The following UNC5D variants were observed in gnomAD, a reference collection of about 807,000 sequenced individuals.
UNC5D encodes unc-5 netrin receptor D, also known as netrin receptor UNC5D.
In UNC5D, 39 loss-of-function variants were observed where a neutral mutation model predicts 105.4. That is an observed-to-expected ratio of 0.37 (90% CI 0.29 to 0.48). The LOEUF is 0.48. UNC5D is among the 20% of genes least tolerant of loss of function. UNC5D has a pLI of 0.98. For missense variants in UNC5D, 991 were observed against 1,202.4 expected (o/e 0.82, Z 2.60); for synonymous variants, 452 against 450.4 (o/e 1.00, Z -0.04).
intron 1 of UNC5D, among the ~76,000 whole-genome samples, chr8:35,260,681 C>T (rs1193373478): frequency 6.6e-6 from 1 of 152,134 alleles, no homozygotes; most frequent in African/African-American, 2.4e-5. Context: ...CCAGGCTGGT[C>T]TCAAACTCCT....
At chr8:35,290,946 C>A (rs927747813) in intron 1 of UNC5D, among the ~76,000 whole-genome samples, 1 of 138,284 alleles carries the variant, frequency 7.2e-6, no homozygotes, top group African/African-American at 2.7e-5. Context: ...GAGACTCCAT[C>A]TCAAAAAAAA....
At chr8:35,629,453 A>AT (rs962572112) in intron 4 of UNC5D, among the ~76,000 whole-genome samples, 3 of 152,158 alleles carry the variant, frequency 2.0e-5, no homozygotes, top group Admixed American at 1.3e-4. Context: ...CAAATACTGC[A>AT]TTTTCTCAAT....
chr8:35,345,973 T>C (rs1017487051), intron 1 of UNC5D, among the ~76,000 whole-genome samples: 1 of 152,078 alleles, frequency 6.6e-6, no homozygotes, highest in African/African-American at 2.4e-5. Context: ...TCTCAGGTCA[T>C]GGCGTGTGTT....
intron 1 of UNC5D, among the ~76,000 whole-genome samples, chr8:35,426,497 A>G (rs1031835575): frequency 6.6e-6 from 1 of 152,182 alleles, no homozygotes; most frequent in Non-Finnish European, 1.5e-5. Flanking sequence ...ACCAAGTCAG[A>G]GGAAACTAGG....
At chr8:35,630,950 T>C (rs1342968983) in intron 4 of UNC5D, among the ~76,000 whole-genome samples, 1 of 152,228 alleles carries the variant, frequency 6.6e-6, no homozygotes, top group African/African-American at 2.4e-5. Flanking sequence ...GTAGTTTCTC[T>C]AGACATTAAG....
intron 1 of UNC5D, among the ~76,000 whole-genome samples, chr8:35,498,272 C>G (rs532650374): frequency 6.6e-6 from 1 of 151,244 alleles, no homozygotes; most frequent in South Asian, 2.1e-4. Flanking sequence ...TGGGTGGGAG[C>G]TGTGTTGCTT....
chr8:35,701,091 T>C (rs1827167214), intron 7 of UNC5D, among the ~76,000 whole-genome samples: 1 of 152,186 alleles, frequency 6.6e-6, no homozygotes, highest in African/African-American at 2.4e-5. Context: ...AAATACGGGA[T>C]ATGACTAGTC....
chr8:35,347,930 C>G (rs575766231), intron 1 of UNC5D, among the ~76,000 whole-genome samples: 1 of 152,072 alleles, frequency 6.6e-6, no homozygotes, highest in African/African-American at 2.4e-5. Context: ...TGAGAATAAC[C>G]TGTGATTGGG....
chr8:35,736,635 C>A (rs1219088388), intron 11 of UNC5D, among the ~76,000 whole-genome samples: 1 of 152,066 alleles, frequency 6.6e-6, no homozygotes, highest in Non-Finnish European at 1.5e-5. Flanking sequence ...TATACGGTGA[C>A]CACAGTGAAA....
At chr8:35,485,323 A>G (rs1810755398) in intron 1 of UNC5D, among the ~76,000 whole-genome samples, 1 of 152,242 alleles carries the variant, frequency 6.6e-6, no homozygotes, top group Non-Finnish European at 1.5e-5. Flanking sequence ...TACTGTCAGT[A>G]TAACATCTCT....
intron 2 of UNC5D, among the ~76,000 whole-genome samples, chr8:35,558,758 G>A (rs148918874): frequency 0.028 from 4,280 of 152,198 alleles, 83 homozygotes; most frequent in Non-Finnish European, 0.039. Context: ...CGAGGTGGGC[G>A]GGTCACTTGA....
At chr8:35,239,453 G>C (rs565485866) in intron 1 of UNC5D, among the ~76,000 whole-genome samples, 1 of 150,124 alleles carries the variant, frequency 6.7e-6, no homozygotes. Flanking sequence ...CAGGGAATTG[G>C]TTTATTGGGA....
At chr8:35,787,007 T>C (rs138556962) in intron 16 of UNC5D, among the ~76,000 whole-genome samples, 3 of 152,304 alleles carry the variant, frequency 2.0e-5, no homozygotes, top group African/African-American at 7.2e-5. Context: ...TAAAGTTTTA[T>C]TGGGACACAG....
chr8:35,569,417 A>C (rs531420064), intron 3 of UNC5D, among the ~76,000 whole-genome samples: 91 of 152,344 alleles, frequency 6.0e-4, no homozygotes, highest in Admixed American at 1.4e-3. Context: ...TTGATGGTTT[A>C]GAGATTAATA....
At chr8:35,324,543 G>A (rs990436469) in intron 1 of UNC5D, among the ~76,000 whole-genome samples, 5 of 151,878 alleles carry the variant, frequency 3.3e-5, no homozygotes, top group African/African-American at 1.2e-4. Context: ...TTGTTTTATT[G>A]AACAACTCTT....
At chr8:35,613,924 T>G (rs1820854522) in intron 4 of UNC5D, among the ~76,000 whole-genome samples, 1 of 152,198 alleles carries the variant, frequency 6.6e-6, no homozygotes, top group Non-Finnish European at 1.5e-5. Context: ...CTTTGACAAA[T>G]ATTTGAAAGT....
chr8:35,527,020 T>A (rs555973893), intron 1 of UNC5D, among the ~76,000 whole-genome samples: 3 of 152,188 alleles, frequency 2.0e-5, no homozygotes, highest in Non-Finnish European at 2.9e-5. Context: ...CTCTATGTAA[T>A]GGAATGTCAC....
chr8:35,775,158 G>A (rs1802189326), intron 16 of UNC5D, among the ~76,000 whole-genome samples: 1 of 152,028 alleles, frequency 6.6e-6, no homozygotes, highest in African/African-American at 2.4e-5. Context: ...CTCTACTATC[G>A]GGTAACCCTA....
intron 1 of UNC5D, among the ~76,000 whole-genome samples, chr8:35,378,154 A>T (rs1464809356): frequency 6.6e-6 from 1 of 152,156 alleles, no homozygotes; most frequent in Non-Finnish European, 1.5e-5. Context: ...CCTGACTGCG[A>T]TCCCCTATCT....
Sources: allele counts gnomAD v4.1 joint callset (sites outside exome capture counted in the v4.1 genomes callset), GRCh38; gene constraint gnomAD v4.1.1; transcripts MANE v1.5; gene names NCBI Gene and HGNC (gene_info 2026-07-23, HGNC 2026-07-21).